Variants in TENM3 observed in about 807,000 individuals in gnomAD.
TENM3 encodes teneurin-3.
A neutral mutation model predicts 255.1 loss-of-function variants in TENM3; 63 were observed. That is an observed-to-expected ratio of 0.25 (90% confidence interval 0.20 to 0.30). TENM3 has a LOEUF of 0.30. Among genes scored for constraint, TENM3 ranks in the 10% least tolerant of loss-of-function variants. TENM3 has a pLI of 1.00. For synonymous variants in TENM3, 1,306 were observed against 1,322.3 expected (o/e 0.99, Z 0.27); for missense variants, 2,929 against 3,461.1 (o/e 0.85, Z 3.86).
chr4:181,515,535 G>A, the TENM3 span, among the ~76,000 whole-genome samples: 9,393 of 151,818 alleles, frequency 0.062, 380 homozygotes, highest in South Asian at 0.14. Context: ...TATCAGAGTC[G>A]AGTCCCAAAA....
chr4:182,426,895 A>C (rs2151169640), intron 3 of TENM3, among the ~76,000 whole-genome samples: 1 of 152,262 alleles, frequency 6.6e-6, no homozygotes, highest in South Asian at 2.1e-4. Flanking sequence ...TCTGTTGAAA[A>C]ATATTGAATT....
intron 2 of TENM3, among the ~76,000 whole-genome samples, chr4:182,344,782 C>T (rs1240288999): frequency 1.3e-5 from 2 of 152,228 alleles, no homozygotes; most frequent in African/African-American, 2.4e-5. Context: ...AATATCTACA[C>T]GTTTTAGAGT....
rs1448040981 is a variant in TENM3, at chr4:182,217,905, A to T, written c.-76+73151A>T. 2.0e-5 allele frequency among the ~76,000 whole-genome samples: 3 copies of T among 152,232 alleles called. No homozygotes were observed. The East Asian group carries it at 5.8e-4, about 29-fold the overall frequency. ...CTAACAGAAGGAAAGATTTCAATTAAATGTGGAAAGCCTATCAATGGTGAT... is the reference window on the plus strand; with the variant it reads ...CTAACAGAAGGAAAGATTTCAATTATATGTGGAAAGCCTATCAATGGTGAT... On this transcript the variant is annotated intron_variant, in intron 1 of 2. Transcript: ENST00000512480.
chr4:182,487,600 G>A (rs889181984), intron 3 of TENM3, among the ~76,000 whole-genome samples: 1 of 152,064 alleles, frequency 6.6e-6, no homozygotes, highest in Non-Finnish European at 1.5e-5. Flanking sequence ...TCCCAACTGA[G>A]CTACTTAGGC....
At chr4:182,731,821 G>A (rs1181374976) in intron 16 of TENM3, among the ~76,000 whole-genome samples, 6 of 146,332 alleles carry the variant, frequency 4.1e-5, no homozygotes, top group South Asian at 2.2e-4. Flanking sequence ...TCGCTCTGTC[G>A]CCCAGGCTGG....
the TENM3 span, among the ~76,000 whole-genome samples, chr4:181,551,195 C>G: frequency 6.6e-6 from 1 of 152,168 alleles, no homozygotes; most frequent in Admixed American, 6.5e-5. Context: ...TACCCCAACT[C>G]AATTTCCAAT....
the TENM3 span, among the ~76,000 whole-genome samples, chr4:181,914,440 T>C: frequency 2.0e-5 from 3 of 152,286 alleles, no homozygotes; most frequent in Admixed American, 6.5e-5. Flanking sequence ...TGCTATTGGG[T>C]TATTATATCA....
In TENM3 at chr4:182,580,674, A is replaced by C. The variant is rs957934303; in HGVS notation, c.512-20250A>C. On this transcript the variant is annotated intron_variant, in intron 3 of 27. Coordinates refer to ENST00000511685, the MANE Select transcript of TENM3 (RefSeq NM_001080477.4). ...GTGAGCAACAAGCATGAAGGAAGGC[A>C]TGGCAGGTATCATAGCCCCTTTGAT... is the stretch of plus-strand genomic sequence containing the variant. Among the ~76,000 whole-genome samples, 5 of 152,220 alleles carry C rather than the reference A, an allele frequency of 3.3e-5. No individual in the cohort carries two copies. In the South Asian group the frequency reaches 6.2e-4, roughly 19 times the overall value.
chr4:182,680,589 C>T lies in TENM3; in HGVS notation c.1686C>T (p.Gly562=). Residue 562 remains glycine (G), a synonymous_variant, in exon 10 of 28, where the codon GGC becomes GGT. Transcript: ENST00000511685. ...GTGGCAACGGGCAGTACTCCAAGGG[C>T]CGCTGCCTGTGTTTCAGCGGCTGGA... is the stretch of plus-strand genomic sequence containing the variant. The part of the protein sequence containing the change: ...LCSGNGQYSK[G]RCLCFSGWKG... The T allele has an allele frequency of 6.2e-7, 1 of 1,613,802 alleles. No homozygotes were observed. Among genetic ancestry groups the T allele is most frequent in the Non-Finnish European group, 8.5e-7 (1 of 1,179,850 alleles).
chr4:182,586,086 C>T (rs1275070141), intron 3 of TENM3, among the ~76,000 whole-genome samples: 2 of 152,136 alleles, frequency 1.3e-5, no homozygotes, highest in Non-Finnish European at 2.9e-5. Flanking sequence ...AGACCCCCAC[C>T]TCTACAAAGC....
At chr4:182,235,241 T>C (rs1042685990) in intron 1 of TENM3, among the ~76,000 whole-genome samples, 1 of 152,194 alleles carries the variant, frequency 6.6e-6, no homozygotes. Flanking sequence ...GTAGTGATTC[T>C]GGATTGAAAG....
chr4:182,709,581 G>A (rs1347999806), intron 12 of TENM3, among the ~76,000 whole-genome samples: 1 of 152,002 alleles, frequency 6.6e-6, no homozygotes, highest in Non-Finnish European at 1.5e-5. Flanking sequence ...ATATAATGAT[G>A]TTTATATTGT....
chr4:182,389,887 A>G lies in TENM3; in HGVS notation c.511+42958A>G, dbSNP rs557553783. Among the ~76,000 whole-genome samples the G allele has an allele frequency of 1.5e-3, 228 of 151,848 alleles. 3 individuals carry two copies. The highest frequency in any genetic ancestry group is 1.4e-3 in the Non-Finnish European group (96 of 67,904). ...TTTTTAGTAGAGACAGGGTTTCACCATGTTGGCCAGGATGGTCTCCGTCTC... is the reference window on the plus strand; with the variant it reads ...TTTTTAGTAGAGACAGGGTTTCACCGTGTTGGCCAGGATGGTCTCCGTCTC... On this transcript the variant is annotated intron_variant, in intron 3 of 27. Transcript: ENST00000511685.
At chr4:181,665,095 A>G in the TENM3 span, among the ~76,000 whole-genome samples, 1 of 152,154 alleles carries the variant, frequency 6.6e-6, no homozygotes, top group African/African-American at 2.4e-5. Context: ...TGCACCTCAC[A>G]ATGTCCCCAA....
intron 3 of TENM3, among the ~76,000 whole-genome samples, chr4:182,567,496 T>A (rs1342807997): frequency 1.3e-5 from 2 of 152,156 alleles, no homozygotes; most frequent in African/African-American, 4.8e-5. Context: ...TAAAATGGCC[T>A]TCCAGATTCT....
intron 2 of TENM3, among the ~76,000 whole-genome samples, chr4:182,333,452 T>G (rs955865757): frequency 6.6e-6 from 1 of 152,136 alleles, no homozygotes; most frequent in Non-Finnish European, 1.5e-5. Context: ...TCTACTAACA[T>G]AATTAGATTA....
At chr4:181,577,163 A>AATATATATTATATTATATTATATATT in the TENM3 span, among the ~76,000 whole-genome samples, 1 of 133,526 alleles carries the variant, frequency 7.5e-6, no homozygotes, top group East Asian at 2.0e-4. Context: ...ATATATAAAT[A>AATATATATTATATTATATTATATATT]ATATATATTA....
the TENM3 span, among the ~76,000 whole-genome samples, chr4:181,929,138 A>G: frequency 6.6e-6 from 1 of 152,174 alleles, no homozygotes; most frequent in Non-Finnish European, 1.5e-5. Flanking sequence ...CAAAATAACC[A>G]GCTAGCATCA....
rs1762382364 is a variant in TENM3 at position 182,751,695 on chromosome 4, C to T, written c.3630-105C>T. ...CATGTCTAATCTTTGATCATGGATTCCAGACTATAATCAGTTTCTCATGAT... is the reference window on the plus strand; with the variant it reads ...CATGTCTAATCTTTGATCATGGATTTCAGACTATAATCAGTTTCTCATGAT... On this transcript the variant is annotated intron_variant, in intron 19 of 27. Coordinates refer to ENST00000511685, the MANE Select transcript of TENM3 (RefSeq NM_001080477.4). The T allele has an allele frequency of 1.5e-5, 12 of 778,798 alleles. No homozygotes were observed. The South Asian group carries it at 1.6e-4, about 10-fold the overall frequency. 48.2% of individuals were successfully genotyped at this position (778,798 alleles called of 1,614,324 possible). A position where few individuals can be genotyped will look rare whatever the true frequency, so the allele number is the denominator to read the frequency against.
Sources: allele counts gnomAD v4.1 joint callset (sites outside exome capture counted in the v4.1 genomes callset), GRCh38; gene constraint gnomAD v4.1.1; transcripts MANE v1.5; gene names NCBI Gene and HGNC (gene_info 2026-07-23, HGNC 2026-07-21).